Variants in ACIN1 observed in about 807,000 individuals in gnomAD.
ACIN1 encodes the protein apoptotic chromatin condensation inducer in the nucleus.
A neutral mutation model predicts 146.6 loss-of-function variants in ACIN1; 16 were observed. The observed-to-expected ratio is 0.11, with a 90% CI of 0.07 to 0.17. The LOEUF is 0.17. Among genes scored for constraint, ACIN1 ranks in the 10% least tolerant of loss-of-function variants. The pLI, the probability that ACIN1 is intolerant of heterozygous loss-of-function variation, is 1.00. For synonymous variants in ACIN1, 569 were observed against 582.7 expected (o/e 0.98, Z 0.34); for missense variants, 1,357 against 1,609.3 (o/e 0.84, Z 2.68).
chr14:23,067,511 G>GGGGGGCGCC lies in ACIN1; in HGVS notation c.2266-1504_2266-1503insGGCGCCCCC. Reference sequence around the variant, plus strand: ...CCAGGGGCGCAGGGGGGGCGGGAGGGAAACGTGTGGGGGGACGCTGCCCAG... The same window carrying GGGGGGCGCC: ...CCAGGGGCGCAGGGGGGGCGGGAGGGGGGGGCGCCAAACGTGTGGGGGGACGCTGCCCAG... On this transcript the variant is annotated intron_variant, in intron 9 of 18. Coordinates refer to ENST00000605057, the MANE Select transcript of ACIN1 (RefSeq NM_001386863.1). The surrounding 1 kb of genome is among the most constrained non-coding windows in gnomAD (Gnocchi z 4.6). 4.5e-6 allele frequency: 1 copy of GGGGGGCGCC among 221,754 alleles called. No individual in the cohort carries two copies. The highest frequency in any genetic ancestry group is 7.3e-6 in the Non-Finnish European group (1 of 137,288). 13.7% of individuals were successfully genotyped at this position (221,754 alleles called of 1,614,324 possible).
chr14:23,087,124 T>C (rs2048108497), intron 4 of ACIN1, among the ~76,000 whole-genome samples: 1 of 152,174 alleles, frequency 6.6e-6, no homozygotes, highest in African/African-American at 2.4e-5. Flanking sequence ...CCCCAAAACA[T>C]TCAAAGCCAA....
intron 8 of ACIN1, among the ~76,000 whole-genome samples, chr14:23,077,299 T>C (rs1177833965): frequency 6.6e-6 from 1 of 152,156 alleles, no homozygotes; most frequent in African/African-American, 2.4e-5. Flanking sequence ...TAAAAACAAG[T>C]ATAGAATAAC....
At chr14:23,072,718 C>T (rs1734409205) in intron 8 of ACIN1, among the ~76,000 whole-genome samples, 1 of 152,164 alleles carries the variant, frequency 6.6e-6, no homozygotes, top group Admixed American at 6.5e-5. Context: ...GAAATTTTCT[C>T]CCCGCTGCTT....
At chr14:23,071,354 G>C in intron 8 of ACIN1, 1 of 1,525,928 alleles carries the variant, frequency 6.6e-7, no homozygotes, top group Non-Finnish European at 8.8e-7. Flanking sequence ...ATGGTAAATG[G>C]AAGGGGAGGT....
At chr14:23,062,614 G>C in intron 14 of ACIN1, 91 bp from the exon 15 acceptor site, 1 of 1,257,708 alleles carries the variant, frequency 8.0e-7, no homozygotes, top group Admixed American at 1.7e-5. Context: ...CAGGAGTATA[G>C]TTTCAAGGTT....
Position 23,067,689 on chromosome 14 carries a change from C to G in ACIN1, c.2266-1681G>C, listed in dbSNP as rs1184896296. 1.0e-6 allele frequency: 1 copy of G among 985,806 alleles called. No homozygotes were observed. The allele number at this position is 985,806 out of a possible 1,614,324, so 61.1% of individuals were successfully genotyped here. ...TGTGAGTAGCAGGAATGATCCTTGCCTTTTATCGTGAGAGGCAGGCAGGAC... is the reference window on the plus strand; with the variant it reads ...TGTGAGTAGCAGGAATGATCCTTGCGTTTTATCGTGAGAGGCAGGCAGGAC... On this transcript the variant is annotated intron_variant, in intron 9 of 18. Coordinates refer to ENST00000605057, the MANE Select transcript of ACIN1 (RefSeq NM_001386863.1). The surrounding 1 kb of genome is among the most constrained non-coding windows in gnomAD (Gnocchi z 4.6).
intron 8 of ACIN1, chr14:23,071,015 T>C: frequency 7.6e-7 from 1 of 1,314,328 alleles, no homozygotes; most frequent in African/African-American, 1.5e-5. Flanking sequence ...GCAGAATGAC[T>C]GAAAACAAAC....
chr14:23,094,420 C>A (rs2048313101), intron 1 of ACIN1: 2 of 966,600 alleles, frequency 2.1e-6, no homozygotes, highest in Non-Finnish European at 2.5e-6. Context: ...ACCCAAATTG[C>A]CACTAGATGC....
intron 4 of ACIN1, among the ~76,000 whole-genome samples, chr14:23,082,437 A>ATTTTTTTTT (rs11378976): frequency 1.0e-5 from 1 of 95,818 alleles, no homozygotes; most frequent in African/African-American, 4.0e-5. Flanking sequence ...AGAGCTCAAT[A>ATTTTTTTTT]TTTTTTTTTT....
intron 4 of ACIN1, among the ~76,000 whole-genome samples, chr14:23,084,408 T>C (rs920653705): frequency 6.6e-6 from 1 of 152,018 alleles, no homozygotes; most frequent in Non-Finnish European, 1.5e-5. Flanking sequence ...AGTTTGAGAT[T>C]AGCCTGGCCA....
intron 8 of ACIN1, chr14:23,076,368 CA>C (rs1468014551): frequency 3.3e-5 from 5 of 152,156 alleles, no homozygotes; most frequent in Admixed American, 2.0e-4. Context: ...CAACAATGGA[CA>C]ATCTAAGTAT....
Position 23,064,458 on chromosome 14 carries a change from C to T in ACIN1, c.2339G>A (p.Ser780Asn). 1.2e-6 allele frequency: 2 copies of T among 1,614,260 alleles called. No homozygotes were observed. Among genetic ancestry groups the T allele is most frequent in the South Asian group, 1.1e-5 (1 of 91,092 alleles). Residue 780 changes from serine to asparagine, a missense_variant, in exon 11 of 19, where the codon AGT (serine) becomes AAT (asparagine). Physicochemically the swap from Ser to Asn is conservative, Grantham distance 46. Transcript: ENST00000605057. ...SATKGVPAGN[S>N]DTEGGQPGRK... ...ACCAGGCTGGCCCCCCTCTGTGTCA[C>T]TGTTTCCAGCTGGCACCCCCTTGGT...
At position 23,062,536 on chromosome 14, in the gene ACIN1, A is replaced by G; in HGVS notation, c.2884-13T>C. On this transcript the variant is annotated splice_polypyrimidine_tract_variant and intron_variant, in intron 14 of 18. Coordinates refer to ENST00000605057, the MANE Select transcript of ACIN1 (RefSeq NM_001386863.1). ...TGAAAGGACGGACCTGCCAATGAAA[A>G]TAGACTTTCAGGGTCTAGCAGAAGG... The G allele has an allele frequency of 6.2e-7, 1 of 1,612,584 alleles. No individual in the cohort carries two copies. Among genetic ancestry groups the G allele is most frequent in the African/African-American group, 1.3e-5 (1 of 74,978 alleles).
Position 23,074,378 on chromosome 14 carries a change from C to A in ACIN1, c.2123+3773G>T, listed in dbSNP as rs566172780. Among the ~76,000 whole-genome samples, 9 of 151,852 alleles carry A rather than the reference C, an allele frequency of 5.9e-5. No individual in the cohort carries two copies. The South Asian group carries it at 1.9e-3, about 32-fold the overall frequency. On this transcript the variant is annotated intron_variant, in intron 8 of 18. Coordinates refer to ENST00000605057, the MANE Select transcript of ACIN1 (RefSeq NM_001386863.1). ...GCCAGGAGTTTGAGACCAGCCTGGC[C>A]AACATGGTGAAACCCCATCTCTATT...
intron 4 of ACIN1, among the ~76,000 whole-genome samples, chr14:23,085,249 G>C (rs1012274042): frequency 1.1e-4 from 17 of 151,982 alleles, no homozygotes; most frequent in African/African-American, 3.1e-4. Flanking sequence ...GCAGGAGAAC[G>C]GCGTGAACCT....
chr14:23,061,971 C>CAAAAAAAAAA lies in ACIN1; in HGVS notation c.3099+187_3099+196dup, dbSNP rs57962360. 2.6e-3 allele frequency among the ~76,000 whole-genome samples: 151 copies of CAAAAAAAAAA among 59,120 alleles called. 4 individuals are homozygous for CAAAAAAAAAA. Among genetic ancestry groups the CAAAAAAAAAA allele is most frequent in the African/African-American group, 0.01 (141 of 13,626 alleles). The allele number at this position is 59,120 out of a possible 152,430, so 38.8% of individuals were successfully genotyped here. ...CCTGGGAGACAGCGAGACTCTGTCT[C>CAAAAAAAAAA]AAAAAAAAAAAAAAAAAAAAAAGGA... is the stretch of plus-strand genomic sequence containing the variant. On this transcript the variant is annotated intron_variant, in intron 16 of 18. Transcript: ENST00000605057.
At chr14:23,090,470 G>T in intron 3 of ACIN1, 52 bp downstream of exon 3, 1 of 1,503,982 alleles carries the variant, frequency 6.6e-7, no homozygotes, top group Non-Finnish European at 9.2e-7. Flanking sequence ...TCTACTTGGT[G>T]ACAGGGATAA....
At chr14:23,066,404 A>C (rs1371094344) in intron 9 of ACIN1, 6 of 160,748 alleles carry the variant, frequency 3.7e-5, no homozygotes, top group East Asian at 1.8e-4. Flanking sequence ...ACTGTGCCCC[A>C]AACTGGGTCA....
chr14:23,083,838 T>C (rs1486449867), intron 4 of ACIN1, among the ~76,000 whole-genome samples: 3 of 152,220 alleles, frequency 2.0e-5, no homozygotes, highest in African/African-American at 7.2e-5. Flanking sequence ...ATCAGCTAGA[T>C]TGGACTCAAT....
Sources: allele counts gnomAD v4.1 joint callset (sites outside exome capture counted in the v4.1 genomes callset), GRCh38; gene constraint gnomAD v4.1.1; non-coding constraint Gnocchi (gnomAD v3.1); transcripts MANE v1.5; gene names NCBI Gene and HGNC (gene_info 2026-07-23, HGNC 2026-07-21).